Variants in TNNI1 observed in about 807,000 individuals in gnomAD.
The protein encoded by TNNI1 is troponin I, slow skeletal muscle.
A neutral mutation model predicts 26.7 loss-of-function variants in TNNI1; 14 were observed. That is an observed-to-expected ratio of 0.52 (90% CI 0.35 to 0.82). The LOEUF is 0.82. Among genes scored for constraint, TNNI1 ranks in the 40% least tolerant of loss-of-function variants. The pLI, the probability that TNNI1 is intolerant of heterozygous loss-of-function variation, is 0.01. For synonymous variants in TNNI1, 79 were observed against 98.2 expected (o/e 0.80, Z 1.16); for missense variants, 164 against 257.0 (o/e 0.64, Z 2.47).
At chr1:201,413,161 G>C in intron 5 of TNNI1, 40 bp from the exon 6 acceptor site, 3 of 1,609,186 alleles carry the variant, frequency 1.9e-6, no homozygotes, top group Admixed American at 1.7e-5. Context: ...TGAAGAAGAG[G>C]GGAACAGAGA....
intron 3 of TNNI1, among the ~76,000 whole-genome samples, chr1:201,415,585 T>A (rs1662721200): frequency 6.6e-6 from 1 of 151,084 alleles, no homozygotes; most frequent in Non-Finnish European, 1.5e-5. Context: ...ACCCCCCCCC[T>A]TACTTAGTTC....
rs754323359 is a variant in TNNI1 at position 201,415,266 on chromosome 1, AAGAG to A, written c.16-16_16-13del. ...ATCTTGGGTTTTCTCTGTGGGCAAG[AAGAG>A]AGAGAGACAGGTGGTGAGGCAGAGG... is the stretch of plus-strand genomic sequence containing the variant. On this transcript the variant is annotated splice_polypyrimidine_tract_variant and intron_variant, in intron 3 of 8. Coordinates refer to ENST00000361379, the MANE Select transcript of TNNI1 (RefSeq NM_003281.4). The A allele has an allele frequency of 2.8e-4, 451 of 1,613,918 alleles. 2 individuals carry two copies. Among genetic ancestry groups the A allele is most frequent in the Non-Finnish European group, 4.7e-5 (55 of 1,179,952 alleles).
chr1:201,410,209 G>A lies in TNNI1; in HGVS notation c.*2+117C>T, dbSNP rs1025607959. On this transcript the variant is annotated intron_variant, in intron 8 of 8. Coordinates refer to ENST00000361379, the MANE Select transcript of TNNI1 (RefSeq NM_003281.4). The stretch of plus-strand genomic sequence containing the variant: ...GCCGACTCAAATCAGTCTCATCGGT[G>A]CCTTAGTCCGTGCATCCGTGCACCA... 4.9e-6 allele frequency: 4 copies of A among 813,976 alleles called. No homozygotes were observed. In the African/African-American group the frequency reaches 6.8e-5, roughly 14 times the overall value. 50.4% of individuals were successfully genotyped at this position (813,976 alleles called of 1,614,324 possible). A position where few individuals can be genotyped will look rare whatever the true frequency, so the allele number is the denominator to read the frequency against.
chr1:201,409,139 G>A lies in TNNI1; in HGVS notation c.*114C>T, dbSNP rs926776443. On this transcript the variant is annotated 3_prime_UTR_variant, in exon 9 of 9. Transcript: ENST00000361379. Reference sequence around the variant, plus strand: ...AGGAGGGCATGCAGGCTGGAGGGAAGAAGTGGGGGAGAGGTGGGAAGGGAT... The same window carrying A: ...AGGAGGGCATGCAGGCTGGAGGGAAAAAGTGGGGGAGAGGTGGGAAGGGAT... 6.6e-6 allele frequency: 1 copy of A among 152,394 alleles called. No individual in the cohort carries two copies. The highest frequency in any genetic ancestry group is 1.5e-5 in the Non-Finnish European group (1 of 68,158). 9.4% of individuals were successfully genotyped at this position (152,394 alleles called of 1,614,324 possible).
chr1:201,419,581 A>T (rs961461732), intron 1 of TNNI1, among the ~76,000 whole-genome samples: 9 of 152,160 alleles, frequency 5.9e-5, no homozygotes, highest in African/African-American at 1.9e-4. Flanking sequence ...GAATTAAAAG[A>T]CACTTGTAAA....
intron 3 of TNNI1, among the ~76,000 whole-genome samples, chr1:201,415,679 T>G (rs140993745): frequency 7.6e-4 from 116 of 152,322 alleles, no homozygotes; most frequent in African/African-American, 2.7e-3. Flanking sequence ...ACACTCCAGG[T>G]AGTAATACAG....
chr1:201,421,475 C>G (rs1662855358), intron 1 of TNNI1, among the ~76,000 whole-genome samples, 198 bp downstream of exon 1: 2 of 152,250 alleles, frequency 1.3e-5, no homozygotes, highest in Non-Finnish European at 2.9e-5. Flanking sequence ...CCTCTCACAA[C>G]AGTTTTGCAG....
Position 201,417,820 on chromosome 1 carries a change from G to T in TNNI1, c.-19-8C>A. 3.0e-6 allele frequency: 4 copies of T among 1,312,778 alleles called. No individual in the cohort carries two copies. The highest frequency in any genetic ancestry group is 2.9e-6 in the Non-Finnish European group (3 of 1,021,628). The allele number at this position is 1,312,778 out of a possible 1,614,324, so 81.3% of individuals were successfully genotyped here. On this transcript the variant is annotated splice_region_variant and splice_polypyrimidine_tract_variant and intron_variant, in intron 1 of 8. Transcript: ENST00000361379. ...GTGGCAGTGAGACAGCACCTAGGGG[G>T]CACAGAGGAATCATTCATAAGGGAA...
chr1:201,418,412 G>A (rs570565193), intron 1 of TNNI1, among the ~76,000 whole-genome samples: 178 of 150,240 alleles, frequency 1.2e-3, no homozygotes, highest in Admixed American at 4.8e-3. Flanking sequence ...AGGTTACAGT[G>A]AGCCGAGATC....
rs1486619399 is a variant in TNNI1, at chr1:201,404,231, C to T, written c.*5022G>A. 6.6e-6 allele frequency: 1 copy of T among 152,196 alleles called. No homozygotes were observed. Among genetic ancestry groups the T allele is most frequent in the Non-Finnish European group, 1.5e-5 (1 of 68,050 alleles). 9.4% of individuals were successfully genotyped at this position (152,196 alleles called of 1,614,324 possible). A position where few individuals can be genotyped will look rare whatever the true frequency, so the allele number is the denominator to read the frequency against. ...TCCCCCAGAAAAAAGACTCATAGGG[C>T]AGCTTCCCCTTTCTCGGACAGGACA... On this transcript the variant is annotated 3_prime_UTR_variant, in exon 9 of 9. Coordinates refer to ENST00000361379, the MANE Select transcript of TNNI1 (RefSeq NM_003281.4).
At position 201,406,487 on chromosome 1, in the gene TNNI1, T is replaced by C. The variant is rs1662517176; in HGVS notation, c.*2766A>G. 6.6e-6 allele frequency: 1 copy of C among 152,382 alleles called. No individual in the cohort carries two copies. Among genetic ancestry groups the C allele is most frequent in the South Asian group, 2.1e-4 (1 of 4,828 alleles). 9.4% of individuals were successfully genotyped at this position (152,382 alleles called of 1,614,324 possible). ...AGTTTTCCCCACTGTACCATGAGAA[T>C]AGTAGCTGTACCTTTCTCCTAGGGT... On this transcript the variant is annotated 3_prime_UTR_variant, in exon 9 of 9. Transcript: ENST00000361379.
intron 1 of TNNI1, 30 bp from the exon 2 acceptor site, chr1:201,417,842 G>A: frequency 1.5e-6 from 2 of 1,311,274 alleles, no homozygotes; most frequent in Non-Finnish European, 2.0e-6. Context: ...CATTCATAAG[G>A]GAAAGTGGAA....
intron 4 of TNNI1, among the ~76,000 whole-genome samples, chr1:201,414,893 C>G (rs922752961): frequency 3.9e-5 from 6 of 152,238 alleles, no homozygotes; most frequent in African/African-American, 1.2e-4. Context: ...CTGTTTTGAC[C>G]CACAAAACTC....
In TNNI1 at chr1:201,414,527, A is replaced by G. The variant is rs1662700316; in HGVS notation, c.180T>C (p.Ser60=). 6.3e-7 allele frequency: 1 copy of G among 1,598,260 alleles called. No homozygotes were observed. Among genetic ancestry groups the G allele is most frequent in the Admixed American group, 1.7e-5 (1 of 58,848 alleles). The part of the protein sequence containing the change: ...PTLQTRGLSL[S]ALQDLCRELH... Reference sequence around the variant, plus strand: ...CACCTGCCAGGCTAACCTGCAGGGCACTGAGGGACAGGCCACGGGTCTGCA... The same window carrying G: ...CACCTGCCAGGCTAACCTGCAGGGCGCTGAGGGACAGGCCACGGGTCTGCA... Residue 60 remains serine, a synonymous_variant, in exon 5 of 9, where the codon AGT becomes AGC. Coordinates refer to ENST00000361379, the MANE Select transcript of TNNI1 (RefSeq NM_003281.4).
chr1:201,420,424 ATCCTCCCCCC>A (rs1662832958), intron 1 of TNNI1, among the ~76,000 whole-genome samples: 1 of 151,088 alleles, frequency 6.6e-6, no homozygotes, highest in Non-Finnish European at 1.5e-5. Flanking sequence ...TAATGAGAAA[ATCCTCCCCCC>A]GAGGGGGGGA....
At chr1:201,421,016 C>T in intron 1 of TNNI1, among the ~76,000 whole-genome samples, 1 of 152,200 alleles carries the variant, frequency 6.6e-6, no homozygotes, top group East Asian at 1.9e-4. Context: ...AGAGGACCCC[C>T]AGTATCTACT....
At position 201,417,445 on chromosome 1, in the gene TNNI1, C is replaced by T. The variant is rs533481202; in HGVS notation, c.12-326G>A. Among the ~76,000 whole-genome samples, 10 of 152,290 alleles carry T rather than the reference C, an allele frequency of 6.6e-5. No homozygotes were observed. The East Asian group carries it at 7.7e-4, about 12-fold the overall frequency. On this transcript the variant is annotated intron_variant, in intron 2 of 8. Transcript: ENST00000361379. The stretch of plus-strand genomic sequence containing the variant: ...CCAGCAACGTGAAAGCATCCATCCA[C>T]GGGTGCGTGGGTAAATTCCCAAAGC...
intron 3 of TNNI1, among the ~76,000 whole-genome samples, chr1:201,416,854 C>A (rs192959562): frequency 1.3e-5 from 2 of 152,186 alleles, no homozygotes; most frequent in African/African-American, 2.4e-5. Flanking sequence ...TCACACCCAA[C>A]CCTGCTGCAA....
At chr1:201,413,246 C>T (rs1662669008) in intron 5 of TNNI1, 125 bp from the exon 6 acceptor site, 6 of 983,548 alleles carry the variant, frequency 6.1e-6, no homozygotes, top group Non-Finnish European at 9.5e-6. Flanking sequence ...CTGACAGTCT[C>T]CTCCACTCTG....
Sources: gnomAD v4.1 joint callset for allele counts (sites outside exome capture counted in the v4.1 genomes callset) on GRCh38, gnomAD v4.1.1 for gene constraint, MANE v1.5 for transcripts, NCBI Gene and HGNC (gene_info 2026-07-23, HGNC 2026-07-21) for gene names.